Variants in OPHN1 observed in about 807,000 individuals in gnomAD.
OPHN1 encodes the protein oligophrenin 1.
A neutral mutation model predicts 60.7 loss-of-function variants in OPHN1; 11 were observed. The ratio of observed to expected loss-of-function variants is 0.18; its 90% CI spans 0.11 to 0.30. OPHN1 has a LOEUF of 0.30. Among genes scored for constraint, OPHN1 ranks in the 10% least tolerant of loss-of-function variants. The pLI is 1.00. For missense variants in OPHN1, 449 were observed against 611.0 expected (o/e 0.73, Z 2.80); for synonymous variants, 226 against 222.6 (o/e 1.02, Z -0.14).
chrX:68,416,049 TATATATATATATATATATAG>T (rs1488259872), intron 2 of OPHN1, among the ~76,000 whole-genome samples: 5 of 59,856 alleles, frequency 8.4e-5, no homozygotes, highest in African/African-American at 4.7e-4. Flanking sequence ...TATATATATA[TATATATATATATATATATAG>T]AGAGAGAGAG....
intron 21 of OPHN1, among the ~76,000 whole-genome samples, chrX:68,055,748 A>G (rs983095817): frequency 2.7e-5 from 3 of 112,459 alleles, no homozygotes; most frequent in Non-Finnish European, 5.6e-5. Context: ...TGTGGCACAT[A>G]TGCACCATGG....
chrX:68,217,691 T>A (rs1459174210), intron 6 of OPHN1, among the ~76,000 whole-genome samples: 2 of 110,224 alleles, frequency 1.8e-5, no homozygotes, highest in African/African-American at 6.6e-5. Context: ...CACGGCAGGG[T>A]ACTCCAACAG....
chrX:68,186,535 G>T (rs1158585352), intron 15 of OPHN1, among the ~76,000 whole-genome samples: 1 of 110,513 alleles, frequency 9.0e-6, no homozygotes, highest in Non-Finnish European at 1.9e-5. Context: ...TGAACAGACT[G>T]AGTACAGAAC....
intron 2 of OPHN1, among the ~76,000 whole-genome samples, chrX:68,380,215 A>G (rs972121324): frequency 2.7e-5 from 3 of 111,437 alleles, no homozygotes; most frequent in South Asian, 3.8e-4. Context: ...GTTTATTTGC[A>G]TAGAGGTGTT....
intron 2 of OPHN1, among the ~76,000 whole-genome samples, chrX:68,310,750 A>G (rs1259114878): frequency 1.8e-5 from 2 of 112,331 alleles, no homozygotes; most frequent in Non-Finnish European, 3.7e-5. Flanking sequence ...CCATTTGCTC[A>G]ACAACAACAC....
chrX:68,328,076 G>A (rs1209836359), intron 2 of OPHN1, among the ~76,000 whole-genome samples: 1 of 95,911 alleles, frequency 1.0e-5, no homozygotes, highest in African/African-American at 4.0e-5. Context: ...TGATCCACCC[G>A]CCTCGGCCTC....
At chrX:68,277,264 A>C (rs2077995974) in intron 4 of OPHN1, among the ~76,000 whole-genome samples, 1 of 111,166 alleles carries the variant, frequency 9.0e-6, no homozygotes, top group Non-Finnish European at 1.9e-5. Context: ...AGTTCACAAC[A>C]GGGTTTGCTC....
intron 2 of OPHN1, among the ~76,000 whole-genome samples, chrX:68,362,864 A>C (rs2078480125): frequency 9.0e-6 from 1 of 111,572 alleles, no homozygotes; most frequent in Non-Finnish European, 1.9e-5. Context: ...CAAGATGTTA[A>C]TAGGGGAAAC....
intron 15 of OPHN1, among the ~76,000 whole-genome samples, chrX:68,162,702 G>A (rs1211751943): frequency 6.3e-5 from 7 of 110,683 alleles, no homozygotes; most frequent in Non-Finnish European, 1.3e-4. Context: ...TGGAAACAGT[G>A]GCATTTGAAA....
Position 68,063,970 on chromosome X carries a change from C to A in OPHN1, c.2042G>T (p.Gly681Val). Residue 681 changes from glycine (G) to valine (V), a missense_variant, in exon 21 of 25, where the codon GGG becomes GTG. Gly to Val is a moderately radical substitution (Grantham distance 109). Coordinates refer to ENST00000355520, the MANE Select transcript of OPHN1 (RefSeq NM_002547.3). ...GKLVSRLQDG[G>V]TKITPKATNG... ...GGTGGCCTTTGGGGTGATCTTGGTC[C>A]CTCCATCCTGCAGCCTAGACACCAA... is the stretch of plus-strand genomic sequence containing the variant. The A allele has an allele frequency of 8.3e-7, 1 of 1,209,560 alleles. No individual in the cohort carries two copies. Among genetic ancestry groups the A allele is most frequent in the Non-Finnish European group, 1.1e-6 (1 of 894,615 alleles).
chrX:68,149,054 T>C (rs911711404), intron 15 of OPHN1, among the ~76,000 whole-genome samples: 1 of 111,485 alleles, frequency 9.0e-6, no homozygotes, highest in Non-Finnish European at 1.9e-5. Flanking sequence ...AAAGCCATAA[T>C]GTGGTCCTGC....
At chrX:68,070,798 T>C (rs1412110604) in intron 20 of OPHN1, 1 of 1,162,533 alleles carries the variant, frequency 8.6e-7, no homozygotes, top group East Asian at 3.0e-5. Context: ...AGTGACAGTC[T>C]CAGCATACTT....
At chrX:68,056,375 C>T (rs182463139) in intron 21 of OPHN1, among the ~76,000 whole-genome samples, 98 of 111,394 alleles carry the variant, frequency 8.8e-4, no homozygotes, top group African/African-American at 3.0e-3. Context: ...TTAATATGTA[C>T]GTTTTTTAAA....
chrX:68,077,250 T>G (rs904312407), intron 19 of OPHN1, among the ~76,000 whole-genome samples: 10 of 111,071 alleles, frequency 9.0e-5, no homozygotes, highest in Non-Finnish European at 1.3e-4. Flanking sequence ...ATTGGGAGGA[T>G]GATTTGGTTT....
At chrX:68,416,063 TATATAGAGAGAGAGAGAGAGAG>T (rs1302987245) in intron 2 of OPHN1, among the ~76,000 whole-genome samples, 7 of 6,332 alleles carry the variant, frequency 1.1e-3, no homozygotes, top group African/African-American at 2.1e-3. Flanking sequence ...TATATATATA[TATATAGAGAGAGAGAGAGAGAG>T]AGAGAGAGAG....
intron 2 of OPHN1, among the ~76,000 whole-genome samples, chrX:68,405,874 T>C (rs1443703893): frequency 2.7e-5 from 3 of 111,573 alleles, no homozygotes; most frequent in Non-Finnish European, 5.6e-5. Flanking sequence ...CTGGGCGTAG[T>C]GGCGCACACC....
intron 15 of OPHN1, among the ~76,000 whole-genome samples, chrX:68,130,249 G>T (rs1364021668): frequency 9.0e-6 from 1 of 111,403 alleles, no homozygotes; most frequent in African/African-American, 3.3e-5. Context: ...TTTCAGGCCA[G>T]GCTCATGATA....
At chrX:68,103,396 T>C (rs1191625529) in intron 18 of OPHN1, among the ~76,000 whole-genome samples, 2 of 111,919 alleles carry the variant, frequency 1.8e-5, no homozygotes, top group African/African-American at 6.5e-5. Context: ...TAAGAGATAT[T>C]TATGACAAAT....
intron 2 of OPHN1, among the ~76,000 whole-genome samples, chrX:68,370,026 A>G (rs1465084208): frequency 1.1e-5 from 1 of 92,519 alleles, no homozygotes; most frequent in Non-Finnish European, 2.1e-5. Context: ...ATATATATAT[A>G]TATATATATA....
Sources: gnomAD v4.1 joint callset for allele counts (sites outside exome capture counted in the v4.1 genomes callset) on GRCh38, gnomAD v4.1.1 for gene constraint, MANE v1.5 for transcripts, NCBI Gene and HGNC (gene_info 2026-07-23, HGNC 2026-07-21) for gene names.